ZNF565: variants seen among roughly 807,000 people sequenced by gnomAD.
ZNF565 encodes the protein zinc finger protein 565.
In ZNF565, 27 loss-of-function variants were observed where a neutral mutation model predicts 39.4. The ratio of observed to expected loss-of-function variants is 0.69; its 90% CI spans 0.51 to 0.95. The LOEUF is 0.95. ZNF565 is among the 40% of genes least tolerant of loss of function. The pLI is 0.00. For synonymous variants in ZNF565, 185 were observed against 216.6 expected, an observed-to-expected ratio of 0.85 and a Z score of 1.28; for missense variants, 524 against 621.1, an observed-to-expected ratio of 0.84 and a Z score of 1.66.
intron 1 of ZNF565, among the ~76,000 whole-genome samples, chr19:36,242,245 C>T (rs1042662243): frequency 6.6e-6 from 1 of 151,638 alleles, no homozygotes; most frequent in South Asian, 2.1e-4. Flanking sequence ...AACCTTGTCT[C>T]TACTAAACAT....
At chr19:36,228,289 G>A (rs1410753741) in intron 1 of ZNF565, among the ~76,000 whole-genome samples, 1 of 151,788 alleles carries the variant, frequency 6.6e-6, no homozygotes, top group Admixed American at 6.6e-5. Context: ...TTGTGCCCAT[G>A]TGCTTTAGTT....
chr19:36,218,426 A>C (rs569818679), upstream of ZNF565, among the ~76,000 whole-genome samples: 8 of 152,180 alleles, frequency 5.3e-5, no homozygotes, highest in African/African-American at 1.9e-4. Context: ...GTCTGGTAGG[A>C]ATTTCTGAAA....
chr19:36,216,960 G>A (rs1006910564), upstream of ZNF565, among the ~76,000 whole-genome samples: 1 of 151,530 alleles, frequency 6.6e-6, no homozygotes, highest in Non-Finnish European at 1.5e-5. Flanking sequence ...TTGGGAGGCT[G>A]AGGTGGGAGG....
chr19:36,186,560 G>A (rs574724994), intron 4 of ZNF565, among the ~76,000 whole-genome samples: 4 of 152,192 alleles, frequency 2.6e-5, no homozygotes, highest in African/African-American at 9.6e-5. Context: ...GGCTGAGGCA[G>A]GTGGGTCACT....
chr19:36,182,375 A>G lies in ZNF565; in HGVS notation c.*91T>C. The G allele has an allele frequency of 8.8e-7, 1 of 1,131,478 alleles. No homozygotes were observed. Among genetic ancestry groups the G allele is most frequent in the Non-Finnish European group, 1.2e-6 (1 of 834,300 alleles). 70.1% of individuals were successfully genotyped at this position (1,131,478 alleles called of 1,614,324 possible). A position where few individuals can be genotyped will look rare whatever the true frequency, so the allele number is the denominator to read the frequency against. On this transcript the variant is annotated 3_prime_UTR_variant, in exon 5 of 5. Transcript: ENST00000304116. ...ATGGAAGTGACAGGTGTTTTCTGAC[A>G]TTAATTACACTACATTAAAAATTAC...
intron 1 of ZNF565, among the ~76,000 whole-genome samples, chr19:36,233,476 C>T (rs939080906): frequency 1.3e-5 from 2 of 151,932 alleles, no homozygotes; most frequent in Non-Finnish European, 2.9e-5. Flanking sequence ...AGGGGACCGG[C>T]GTTAGGGAGG....
chr19:36,195,753 T>C (rs113612516), intron 2 of ZNF565, among the ~76,000 whole-genome samples: 1 of 145,494 alleles, frequency 6.9e-6, no homozygotes, highest in East Asian at 2.0e-4. Flanking sequence ...ATCATGTTGG[T>C]CAGGCTGGTC....
At chr19:36,201,878 T>G in intron 2 of ZNF565, 99 bp downstream of exon 2, 9 of 1,425,240 alleles carry the variant, frequency 6.3e-6, no homozygotes, top group Non-Finnish European at 7.8e-6. Context: ...GGACCAACTG[T>G]GAGAAGGATA....
At chr19:36,196,221 C>T (rs146017271) in intron 2 of ZNF565, among the ~76,000 whole-genome samples, 1 of 152,306 alleles carries the variant, frequency 6.6e-6, no homozygotes, top group Non-Finnish European at 1.5e-5. Context: ...TGAGTCACTG[C>T]ACCCAGCCTA....
At chr19:36,208,367 T>C (rs996520467) in intron 1 of ZNF565, among the ~76,000 whole-genome samples, 1 of 151,956 alleles carries the variant, frequency 6.6e-6, no homozygotes, top group African/African-American at 2.4e-5. Context: ...ACCTGGCTAA[T>C]TTTAAAATTT....
chr19:36,188,152 C>T (rs112269387), intron 4 of ZNF565, among the ~76,000 whole-genome samples: 4 of 150,500 alleles, frequency 2.7e-5, no homozygotes, highest in African/African-American at 4.9e-5. Flanking sequence ...GTCAGGAGTT[C>T]GAGCCCAGCC....
chr19:36,196,586 A>C (rs1195883699), intron 2 of ZNF565, among the ~76,000 whole-genome samples: 1 of 152,234 alleles, frequency 6.6e-6, no homozygotes, highest in Non-Finnish European at 1.5e-5. Flanking sequence ...GGGAATGATC[A>C]GGAAAGAGCT....
chr19:36,202,983 T>A (rs1392520402), intron 1 of ZNF565, among the ~76,000 whole-genome samples: 1 of 152,120 alleles, frequency 6.6e-6, no homozygotes, highest in Non-Finnish European at 1.5e-5. Flanking sequence ...TCTAGAAGTC[T>A]CTTGGCCCAG....
At chr19:36,193,522 G>T (rs767079496) in intron 4 of ZNF565, among the ~76,000 whole-genome samples, 350 of 147,002 alleles carry the variant, frequency 2.4e-3, no homozygotes, top group Non-Finnish European at 3.7e-3. Context: ...CTCACTGCAA[G>T]CTCCGCCTCC....
At chr19:36,198,471 C>T (rs755397989) in intron 2 of ZNF565, among the ~76,000 whole-genome samples, 5 of 152,042 alleles carry the variant, frequency 3.3e-5, no homozygotes, top group Non-Finnish European at 7.4e-5. Context: ...AGGATGATTA[C>T]TGAAGGCTGG....
intron 1 of ZNF565, among the ~76,000 whole-genome samples, chr19:36,211,445 T>TCA (rs1976352835): frequency 9.0e-6 from 1 of 110,780 alleles, no homozygotes; most frequent in East Asian, 2.8e-4. Flanking sequence ...ACTCCAACTC[T>TCA]CTCTCACACA....
chr19:36,237,617 G>C (rs1447315554), intron 1 of ZNF565: 1 of 247,278 alleles, frequency 4.0e-6, no homozygotes, highest in Non-Finnish European at 8.4e-6. Context: ...CCATAGATCT[G>C]GAGATCTTCG....
intron 1 of ZNF565, among the ~76,000 whole-genome samples, chr19:36,213,941 C>A (rs1006898388): frequency 2.0e-5 from 3 of 152,004 alleles, no homozygotes; most frequent in Non-Finnish European, 4.4e-5. Flanking sequence ...CAGTTACTCC[C>A]GTATAGTCAC....
chr19:36,211,113 T>A lies in ZNF565; in HGVS notation c.-66+3509A>T, dbSNP rs768979774. On this transcript the variant is annotated intron_variant, in intron 1 of 4. Coordinates refer to ENST00000304116, the MANE Select transcript of ZNF565 (RefSeq NM_152477.5). ...AGAAATAATTTAGTAAATAAAAAAATGGGAAAGAAGAAAAATATCTTTCTA... is the reference window on the plus strand; with the variant it reads ...AGAAATAATTTAGTAAATAAAAAAAAGGGAAAGAAGAAAAATATCTTTCTA... 3.9e-5 allele frequency among the ~76,000 whole-genome samples: 6 copies of A among 151,932 alleles called. No individual in the cohort carries two copies. In the East Asian group the frequency reaches 1.2e-3, roughly 29 times the overall value.
Sources: gnomAD v4.1 joint callset for allele counts (sites outside exome capture counted in the v4.1 genomes callset) on GRCh38, gnomAD v4.1.1 for gene constraint, MANE v1.5 for transcripts, NCBI Gene and HGNC (gene_info 2026-07-23, HGNC 2026-07-21) for gene names.